Variants in TUSC3 observed in about 807,000 individuals in gnomAD.
TUSC3 encodes tumor suppressor candidate 3, also known as dolichyl-diphosphooligosaccharide--protein glycosyltransferase subunit TUSC3.
TUSC3 carries 45 observed loss-of-function variants against 44.8 expected under a neutral mutation model. That is an observed-to-expected ratio of 1.00 (90% CI 0.79 to 1.29). TUSC3 has a LOEUF of 1.29. Ranked by LOEUF, TUSC3 falls within the 50% of genes most tolerant of loss-of-function variation. The probability of loss-of-function intolerance (pLI) is 0.00; values close to 1 mark genes in which losing one functional copy is unlikely to be tolerated. For synonymous variants in TUSC3, 212 were observed against 152.9 expected (o/e 1.39, Z -2.85); for missense variants, 519 against 437.9 (o/e 1.19, Z -1.65).
chr8:15,593,118 C>G (rs1803922120), intron 1 of TUSC3, among the ~76,000 whole-genome samples: 1 of 152,052 alleles, frequency 6.6e-6, no homozygotes, highest in Non-Finnish European at 1.5e-5. Flanking sequence ...CGGAGTCTCA[C>G]TCTGTTGCCC....
At chr8:15,730,982 C>T (rs1168364579) in intron 7 of TUSC3, among the ~76,000 whole-genome samples, 2 of 151,960 alleles carry the variant, frequency 1.3e-5, no homozygotes, top group African/African-American at 2.4e-5. Flanking sequence ...TTTTACTCTA[C>T]ATTGATGATC....
the TUSC3 span, among the ~76,000 whole-genome samples, chr8:15,797,199 G>A: frequency 1.3e-5 from 2 of 152,308 alleles, no homozygotes; most frequent in Admixed American, 1.3e-4. Context: ...ATTTCAGTTC[G>A]CTGAACAGCT....
intron 1 of TUSC3, among the ~76,000 whole-genome samples, chr8:15,455,812 T>G (rs1398821209): frequency 8.5e-5 from 13 of 152,188 alleles, no homozygotes; most frequent in Non-Finnish European, 1.9e-4. Context: ...ATAAAAGCCC[T>G]TCCCCAAAAC....
chr8:15,713,200 A>T (rs1275776911), intron 6 of TUSC3, among the ~76,000 whole-genome samples: 1 of 152,164 alleles, frequency 6.6e-6, no homozygotes, highest in African/African-American at 2.4e-5. Context: ...TTCCGAATTT[A>T]TCATACTCAT....
intron 2 of TUSC3, 79 bp from the exon 3 acceptor site, chr8:15,650,618 A>G: frequency 1.6e-6 from 2 of 1,222,698 alleles, no homozygotes; most frequent in South Asian, 2.4e-5. Context: ...TGCTTGTCCT[A>G]GGGTTGTCTG....
the TUSC3 span, among the ~76,000 whole-genome samples, chr8:15,831,332 TA>T: frequency 2.0e-5 from 3 of 152,148 alleles, no homozygotes; most frequent in East Asian, 3.9e-4. Context: ...TGAAGAAACA[TA>T]AGCCCACAAA....
intron 9 of TUSC3, among the ~76,000 whole-genome samples, chr8:15,750,433 G>A (rs1811646084): frequency 6.6e-6 from 1 of 151,948 alleles, no homozygotes; most frequent in African/African-American, 2.4e-5. Context: ...GAAAAGTGGA[G>A]AAAAAAATAT....
chr8:15,755,552 A>T (rs1273078173), intron 9 of TUSC3, among the ~76,000 whole-genome samples: 4 of 152,052 alleles, frequency 2.6e-5, no homozygotes, highest in African/African-American at 9.7e-5. Flanking sequence ...TGTCAGTGAA[A>T]TAGTAGGGTT....
chr8:15,671,582 G>A (rs1236199037), intron 5 of TUSC3, among the ~76,000 whole-genome samples: 1 of 151,934 alleles, frequency 6.6e-6, no homozygotes, highest in Non-Finnish European at 1.5e-5. Flanking sequence ...TATTATTCCA[G>A]GTTTGAACCT....
chr8:15,562,722 G>C (rs915203863), intron 1 of TUSC3, among the ~76,000 whole-genome samples: 2 of 152,112 alleles, frequency 1.3e-5, no homozygotes, highest in Non-Finnish European at 2.9e-5. Context: ...GTTGCTCTCA[G>C]TTCTTTGCTG....
chr8:15,735,341 G>A (rs565499497), intron 7 of TUSC3, among the ~76,000 whole-genome samples: 1 of 152,322 alleles, frequency 6.6e-6, no homozygotes, highest in Non-Finnish European at 1.5e-5. Context: ...AGGAATCAGA[G>A]ATGATTCTGA....
At chr8:15,808,225 T>G in the TUSC3 span, among the ~76,000 whole-genome samples, 2 of 152,144 alleles carry the variant, frequency 1.3e-5, no homozygotes, top group African/African-American at 4.8e-5. Flanking sequence ...TATAATGTGT[T>G]CCTTAAGAAA....
chr8:15,561,104 TC>T (rs1443683516), intron 1 of TUSC3, among the ~76,000 whole-genome samples: 1 of 111,444 alleles, frequency 9.0e-6, no homozygotes, highest in Non-Finnish European at 1.9e-5. Context: ...TTCCAGTTTT[TC>T]TGTTCTGTTT....
At chr8:15,748,889 A>T (rs796356755) in intron 9 of TUSC3, 67 of 389,870 alleles carry the variant, frequency 1.7e-4, no homozygotes, top group African/African-American at 1.4e-3. Context: ...AGCCAACATG[A>T]AAGGGAAAAG....
At chr8:15,814,967 G>A in the TUSC3 span, among the ~76,000 whole-genome samples, 1 of 152,046 alleles carries the variant, frequency 6.6e-6, no homozygotes, top group Non-Finnish European at 1.5e-5. Context: ...ATTGTTTGTT[G>A]TTTAGTTGAT....
chr8:15,519,334 AT>A (rs950749165), intron 2 of TUSC3, among the ~76,000 whole-genome samples: 1 of 152,248 alleles, frequency 6.6e-6, no homozygotes, highest in South Asian at 2.1e-4. Flanking sequence ...TATAATCAGC[AT>A]TTTTTATAGC....
intron 2 of TUSC3, among the ~76,000 whole-genome samples, chr8:15,489,492 G>C (rs1326564063): frequency 2.6e-5 from 4 of 152,190 alleles, no homozygotes. Flanking sequence ...CACCTGGAAA[G>C]GGAAGAGGTT....
chr8:15,420,270 G>A (rs1335702850), intron 1 of TUSC3, among the ~76,000 whole-genome samples: 1 of 152,082 alleles, frequency 6.6e-6, no homozygotes, highest in African/African-American at 2.4e-5. Flanking sequence ...GCCAAGGCAG[G>A]CAGATCACTT....
intron 2 of TUSC3, among the ~76,000 whole-genome samples, chr8:15,531,543 T>G (rs1801449887): frequency 6.6e-6 from 1 of 152,220 alleles, no homozygotes; most frequent in South Asian, 2.1e-4. Flanking sequence ...TGAGCCTCTG[T>G]GCCCAGCCTA....
Sources: gnomAD v4.1 joint callset for allele counts (sites outside exome capture counted in the v4.1 genomes callset) on GRCh38, gnomAD v4.1.1 for gene constraint, MANE v1.5 for transcripts, NCBI Gene and HGNC (gene_info 2026-07-23, HGNC 2026-07-21) for gene names.